Variants in FCRL5 observed in about 807,000 individuals in gnomAD.
The protein encoded by FCRL5 is Fc receptor like 5.
A neutral mutation model predicts 92.1 loss-of-function variants in FCRL5; 79 were observed. That is an observed-to-expected ratio of 0.86 (90% CI 0.72 to 1.03). FCRL5 has a LOEUF of 1.03. FCRL5 is among the 50% of genes least tolerant of loss of function. The probability of loss-of-function intolerance (pLI) is 0.00; values close to 1 mark genes in which losing one functional copy is unlikely to be tolerated. For synonymous variants in FCRL5, 466 were observed against 469.3 expected, an observed-to-expected ratio of 0.99 and a Z score of 0.09; for missense variants, 1,160 against 1,181.1, an observed-to-expected ratio of 0.98 and a Z score of 0.26.
chr1:157,543,467 T>A (rs935702089), intron 5 of FCRL5, among the ~76,000 whole-genome samples: 2 of 152,184 alleles, frequency 1.3e-5, no homozygotes, highest in African/African-American at 4.8e-5. Flanking sequence ...CTGCTCCTAC[T>A]CTCTCCCTTG....
chr1:157,551,547 A>G (rs1651811201), intron 1 of FCRL5, among the ~76,000 whole-genome samples: 1 of 152,246 alleles, frequency 6.6e-6, no homozygotes, highest in African/African-American at 2.4e-5. Flanking sequence ...GCTGCTTGAA[A>G]GTACATTGGC....
intron 7 of FCRL5, among the ~76,000 whole-genome samples, chr1:157,537,529 C>T (rs12130901): frequency 0.065 from 9,829 of 152,156 alleles, 805 homozygotes; most frequent in African/African-American, 0.19. Context: ...TCCTGTGGTC[C>T]TGTGAGCTCA....
intron 1 of FCRL5, 31 bp downstream of exon 1, chr1:157,552,300 AC>A (rs1349911546): frequency 2.5e-6 from 4 of 1,611,648 alleles, no homozygotes; most frequent in Non-Finnish European, 3.4e-6. Flanking sequence ...TCCCGATCCC[AC>A]CCAGGGCCCA....
intron 7 of FCRL5, among the ~76,000 whole-genome samples, chr1:157,537,744 T>C (rs1040127054): frequency 2.0e-5 from 3 of 152,228 alleles, no homozygotes; most frequent in Admixed American, 6.5e-5. Context: ...TCTTTTGTAC[T>C]CTGTCCCTTT....
intron 15 of FCRL5, among the ~76,000 whole-genome samples, chr1:157,518,090 T>A (rs1650007886): frequency 6.6e-6 from 1 of 152,198 alleles, no homozygotes; most frequent in East Asian, 1.9e-4. Context: ...ACCTAGTTTA[T>A]GGTACTCTGT....
At chr1:157,530,984 A>T (rs1181444441) in intron 8 of FCRL5, among the ~76,000 whole-genome samples, 29 of 152,372 alleles carry the variant, frequency 1.9e-4, no homozygotes, top group South Asian at 1.4e-3. Flanking sequence ...AAATGGGATT[A>T]CATCAAGCTG....
At chr1:157,523,387 G>C (rs1021320025) in intron 10 of FCRL5, among the ~76,000 whole-genome samples, 1 of 152,210 alleles carries the variant, frequency 6.6e-6, no homozygotes, top group Non-Finnish European at 1.5e-5. Flanking sequence ...GACAAAGGAT[G>C]ATCATGATTT....
chr1:157,534,989 C>A, intron 7 of FCRL5, 97 bp from the exon 8 acceptor site: 2 of 1,201,592 alleles, frequency 1.7e-6, no homozygotes, highest in Admixed American at 2.7e-5. Flanking sequence ...AGTACAGGAT[C>A]TCTAGACTTC....
Position 157,547,032 on chromosome 1 carries a change from T to C in FCRL5, c.218A>G (p.Asn73Ser), listed in dbSNP as rs1364801932. The C allele has an allele frequency of 6.2e-7, 1 of 1,614,166 alleles. No individual in the cohort carries two copies. Among genetic ancestry groups the C allele is most frequent in the Non-Finnish European group, 8.5e-7 (1 of 1,180,012 alleles). ...TCCAGATTCCTGAACCTCAAGGATA[T>C]TGTCTGGGGTTTCTCTTAGTATTTC... is the stretch of plus-strand genomic sequence containing the variant. ...GKEILRETPDNILEVQESGEY... is the reference protein window; with the variant it reads ...GKEILRETPDSILEVQESGEY... Residue 73 changes from asparagine to serine, a missense_variant, in exon 3 of 17, where the codon AAT (asparagine) becomes AGT (serine). By Grantham distance (46) the Asn-to-Ser change is conservative. Transcript: ENST00000361835.
intron 8 of FCRL5, among the ~76,000 whole-genome samples, chr1:157,528,872 A>T (rs1016648936): frequency 6.6e-6 from 1 of 152,200 alleles, no homozygotes; most frequent in Non-Finnish European, 1.5e-5. Flanking sequence ...AATATACTTT[A>T]AAAAACTCTT....
intron 15 of FCRL5, among the ~76,000 whole-genome samples, 186 bp downstream of exon 15, chr1:157,518,243 G>A (rs915274519): frequency 5.3e-5 from 8 of 152,162 alleles, no homozygotes; most frequent in Admixed American, 3.3e-4. Flanking sequence ...CAGAGAATAG[G>A]GAAAGGAGAG....
At chr1:157,549,831 T>A (rs1386713030) in intron 1 of FCRL5, among the ~76,000 whole-genome samples, 1 of 151,938 alleles carries the variant, frequency 6.6e-6, no homozygotes, top group Non-Finnish European at 1.5e-5. Context: ...AGTTGACTAG[T>A]GGAAAAACAG....
At chr1:157,528,321 A>T (rs1272290282) in intron 8 of FCRL5, 1 of 152,938 alleles carries the variant, frequency 6.5e-6, no homozygotes, top group Non-Finnish European at 1.5e-5. Flanking sequence ...CAGATGACAC[A>T]ATCAAATGGA....
At chr1:157,521,564 C>A (rs914007382) in intron 10 of FCRL5, 1 of 345,368 alleles carries the variant, frequency 2.9e-6, no homozygotes, top group Non-Finnish European at 5.2e-6. Context: ...ATTAACTAAA[C>A]ACAAAGACAA....
intron 7 of FCRL5, among the ~76,000 whole-genome samples, chr1:157,537,741 T>C (rs560997579): frequency 6.6e-6 from 1 of 152,342 alleles, no homozygotes; most frequent in South Asian, 2.1e-4. Context: ...TTCTCTTTTG[T>C]ACTCTGTCCC....
At chr1:157,549,491 G>A (rs1651713160) in intron 2 of FCRL5, 69 bp downstream of exon 2, 5 of 1,417,008 alleles carry the variant, frequency 3.5e-6, no homozygotes, top group Non-Finnish European at 3.9e-6. Flanking sequence ...CATCACAAAT[G>A]TTTTCTATTT....
chr1:157,539,444 A>G (rs1243824125), intron 6 of FCRL5, 80 bp from the exon 7 acceptor site: 1 of 1,328,198 alleles, frequency 7.5e-7, no homozygotes, highest in African/African-American at 1.5e-5. Flanking sequence ...AATCTTGGGA[A>G]CCCCAAATCA....
intron 13 of FCRL5, chr1:157,519,019 G>A (rs916094893): frequency 7.1e-5 from 26 of 366,232 alleles, no homozygotes; most frequent in African/African-American, 4.0e-4. Context: ...ACAGCAATAC[G>A]TTGTTAGTTC....
Position 157,515,523 on chromosome 1 carries a change from A to C in FCRL5, c.*152T>G, listed in dbSNP as rs764819069. On this transcript the variant is annotated 3_prime_UTR_variant, in exon 17 of 17. Coordinates refer to ENST00000361835, the MANE Select transcript of FCRL5 (RefSeq NM_031281.3). ...AGGTGACAGTCCAGCAGGGCCCTGCATTCTGGTCAGACTGAGAATGAGGAC... is the reference window on the plus strand; with the variant it reads ...AGGTGACAGTCCAGCAGGGCCCTGCCTTCTGGTCAGACTGAGAATGAGGAC... The C allele has an allele frequency of 1.3e-4, 198 of 1,548,098 alleles. No individual in the cohort carries two copies. The highest frequency in any genetic ancestry group is 1.6e-4 in the Non-Finnish European group (185 of 1,131,608).
Sources: gnomAD v4.1 joint callset for allele counts (sites outside exome capture counted in the v4.1 genomes callset) on GRCh38, gnomAD v4.1.1 for gene constraint, MANE v1.5 for transcripts, NCBI Gene and HGNC (gene_info 2026-07-23, HGNC 2026-07-21) for gene names.